The following IFT88 variants were observed in gnomAD, a reference collection of about 807,000 sequenced individuals.
IFT88 encodes the protein intraflagellar transport 88.
In IFT88, 74 loss-of-function variants were observed where a neutral mutation model predicts 119.5. That is an observed-to-expected ratio of 0.62 (90% CI 0.51 to 0.75). IFT88 has a LOEUF of 0.75. Among genes scored for constraint, IFT88 ranks in the 30% least tolerant of loss-of-function variants. The pLI is 0.00. For synonymous variants in IFT88, 279 were observed against 316.7 expected (o/e 0.88, Z 1.26); for missense variants, 961 against 977.7 (o/e 0.98, Z 0.23).
intron 16 of IFT88, among the ~76,000 whole-genome samples, chr13:20,633,923 C>G (rs1325449872): frequency 2.0e-5 from 3 of 152,174 alleles, no homozygotes; most frequent in African/African-American, 4.8e-5. Flanking sequence ...TACATTCTAC[C>G]CAGTGAGCTG....
At chr13:20,600,289 T>C (rs2042379721) in intron 11 of IFT88, among the ~76,000 whole-genome samples, 1 of 152,070 alleles carries the variant, frequency 6.6e-6, no homozygotes, top group Admixed American at 6.6e-5. Flanking sequence ...AAAAAAATTG[T>C]ATTGAGTAAC....
At position 20,638,503 on chromosome 13, in the gene IFT88, G is replaced by T; in HGVS notation, c.1558G>T (p.Ala520Ser). 6.8e-7 allele frequency: 1 copy of T among 1,471,626 alleles called. No homozygotes were observed. The highest frequency in any genetic ancestry group is 9.0e-7 in the Non-Finnish European group (1 of 1,113,126). 91.2% of individuals were successfully genotyped at this position (1,471,626 alleles called of 1,614,324 possible). ...ALRNDSSCTEALYNIGLTYEK... is the reference protein window; with the variant it reads ...ALRNDSSCTESLYNIGLTYEK... ...AAGAAATGATTCTTCTTGTACTGAA[G>T]CACTTTATAATATTGGTAAGTGAAA... Residue 520 changes from alanine to serine, a missense_variant, in exon 17 of 26, where the codon GCA becomes TCA. Coordinates refer to ENST00000351808, the MANE Select transcript of IFT88 (RefSeq NM_006531.5).
chr13:20,574,310 A>T, intron 1 of IFT88, 70 bp from the exon 2 acceptor site: 1 of 780,506 alleles, frequency 1.3e-6, no homozygotes, highest in Non-Finnish European at 2.0e-6. Flanking sequence ...ACAGAGCAAG[A>T]CATATCTCAA....
chr13:20,615,698 A>G lies in IFT88; in HGVS notation c.1113-95A>G, dbSNP rs989862246. The stretch of plus-strand genomic sequence containing the variant: ...GTTTAGTAGGCTTTTGTGGTATGTT[A>G]GTTTTGATAGATAATGTTTACACTT... On this transcript the variant is annotated intron_variant, in intron 13 of 25. Coordinates refer to ENST00000351808, the MANE Select transcript of IFT88 (RefSeq NM_006531.5). 1.3e-5 allele frequency: 8 copies of G among 609,916 alleles called. No individual in the cohort carries two copies. In the African/African-American group the frequency reaches 1.3e-4, roughly 10 times the overall value. The allele number at this position is 609,916 out of a possible 1,614,324, so 37.8% of individuals were successfully genotyped here.
At position 20,675,698 on chromosome 13, in the gene IFT88, C is replaced by T. The variant is rs574885154; in HGVS notation, c.2242+4659C>T. 1.0e-3 allele frequency among the ~76,000 whole-genome samples: 158 copies of T among 152,208 alleles called. 2 individuals carry two copies. In the South Asian group the frequency reaches 0.03, roughly 28 times the overall value. On this transcript the variant is annotated intron_variant, in intron 24 of 25. Coordinates refer to ENST00000351808, the MANE Select transcript of IFT88 (RefSeq NM_006531.5). ...GTGTATTGAAAGCAGCTGTACACAGCGTGTAAGTGAATAAATGTGATAGTG... is the reference window on the plus strand; with the variant it reads ...GTGTATTGAAAGCAGCTGTACACAGTGTGTAAGTGAATAAATGTGATAGTG...
chr13:20,644,687 T>C (rs891439177), intron 19 of IFT88, among the ~76,000 whole-genome samples, 156 bp from the exon 20 acceptor site: 8 of 152,172 alleles, frequency 5.3e-5, no homozygotes, highest in African/African-American at 1.4e-4. Flanking sequence ...CTAAATATTA[T>C]ATAGTTTCAG....
intron 22 of IFT88, among the ~76,000 whole-genome samples, chr13:20,661,690 G>A (rs994359651): frequency 6.6e-6 from 1 of 151,542 alleles, no homozygotes. Flanking sequence ...AGCTGATATT[G>A]CGCCAGTGCA....
At chr13:20,607,182 A>T (rs1441833505) in intron 13 of IFT88, 12 of 394,134 alleles carry the variant, frequency 3.0e-5, no homozygotes, top group Non-Finnish European at 6.1e-5. Flanking sequence ...CTGCTGCTGC[A>T]CGCCTGGCGC....
At chr13:20,570,676 A>AAACAGATT (rs2036166710) in intron 1 of IFT88, among the ~76,000 whole-genome samples, 1 of 151,430 alleles carries the variant, frequency 6.6e-6, no homozygotes, top group Non-Finnish European at 1.5e-5. Context: ...TAGAGACAGA[A>AAACAGATT]AATGGTTGCC....
intron 15 of IFT88, among the ~76,000 whole-genome samples, chr13:20,628,354 G>C (rs1344339450): frequency 6.6e-6 from 1 of 152,218 alleles, no homozygotes; most frequent in African/African-American, 2.4e-5. Flanking sequence ...AGGCTCAGCG[G>C]AATGCTGAAG....
rs35617736 is a variant in IFT88, at chr13:20,674,724, A to ATT, written c.2242+3705_2242+3706dup. Among the ~76,000 whole-genome samples, 294 of 73,772 alleles carry ATT rather than the reference A, an allele frequency of 4.0e-3. 6 individuals carry two copies. The highest frequency in any genetic ancestry group is 0.01 in the South Asian group (18 of 1,772). 48.4% of individuals were successfully genotyped at this position (73,772 alleles called of 152,430 possible). A position where few individuals can be genotyped will look rare whatever the true frequency, so the allele number is the denominator to read the frequency against. On this transcript the variant is annotated intron_variant, in intron 24 of 25. Coordinates refer to ENST00000351808, the MANE Select transcript of IFT88 (RefSeq NM_006531.5). ...GTTTTATATATATATATATATATAT[A>ATT]TTTTTTTTTTTTTTTTTTTTTGAGA...
intron 1 of IFT88, among the ~76,000 whole-genome samples, chr13:20,572,861 T>G (rs1025202838): frequency 6.6e-5 from 10 of 152,202 alleles, no homozygotes; most frequent in African/African-American, 2.4e-4. Context: ...GAACTTCATA[T>G]AAAGGAAACA....
chr13:20,689,969 C>T (rs779857032), intron 24 of IFT88, among the ~76,000 whole-genome samples: 6 of 152,116 alleles, frequency 3.9e-5, no homozygotes, highest in Non-Finnish European at 8.8e-5. Context: ...CCCGTAACAT[C>T]AGTGGTAGGG....
chr13:20,591,477 G>A (rs935238284), intron 5 of IFT88, 141 bp from the exon 6 acceptor site: 44 of 530,862 alleles, frequency 8.3e-5, no homozygotes, highest in African/African-American at 7.8e-4. Flanking sequence ...ACATGAGGAG[G>A]TAGAAGTAAG....
intron 1 of IFT88, chr13:20,567,864 G>GTTTTTTTTTTTTTTTTTTTT: frequency 1.1e-6 from 1 of 887,770 alleles, no homozygotes; most frequent in Non-Finnish European, 1.6e-6. Flanking sequence ...AGTTTTTTTT[G>GTTTTTTTTTTTTTTTTTTTT]TTTGTTTTTT....
intron 2 of IFT88, among the ~76,000 whole-genome samples, chr13:20,576,237 GTTGT>G (rs2037363110): frequency 6.6e-6 from 1 of 152,076 alleles, no homozygotes; most frequent in Non-Finnish European, 1.5e-5. Flanking sequence ...TTCCTACAGA[GTTGT>G]TTGAGTTCCT....
At chr13:20,613,743 C>G (rs924391828) in intron 13 of IFT88, among the ~76,000 whole-genome samples, 3 of 151,926 alleles carry the variant, frequency 2.0e-5, no homozygotes, top group Non-Finnish European at 2.9e-5. Flanking sequence ...TGTGATTCAG[C>G]CATACAAAGG....
intron 2 of IFT88, among the ~76,000 whole-genome samples, chr13:20,578,358 C>CTTTTTTTTTT (rs1158499742): frequency 1.0e-4 from 8 of 78,752 alleles, no homozygotes; most frequent in Admixed American, 2.6e-4. Flanking sequence ...AGTCTTGTTA[C>CTTTTTTTTTT]TTTTTTTTTT....
intron 13 of IFT88, chr13:20,612,107 G>A (rs2044657204): frequency 2.2e-5 from 3 of 139,012 alleles, no homozygotes; most frequent in Admixed American, 2.1e-4. Context: ...TGAGGTTGTA[G>A]AGTAAAAAAA....
Sources: gnomAD v4.1 joint callset for allele counts (sites outside exome capture counted in the v4.1 genomes callset) on GRCh38, gnomAD v4.1.1 for gene constraint, MANE v1.5 for transcripts, NCBI Gene and HGNC (gene_info 2026-07-23, HGNC 2026-07-21) for gene names.